CEP162: variants seen among roughly 807,000 people sequenced by gnomAD.
CEP162 encodes centrosomal protein of 162 kDa.
CEP162 carries 141 observed loss-of-function variants against 169.2 expected under a neutral mutation model. The observed-to-expected ratio is 0.83, with a 90% CI of 0.73 to 0.96. The LOEUF (loss-of-function observed/expected upper bound fraction) is 0.96. Ranked by LOEUF, CEP162 falls within the 40% of genes least tolerant of loss-of-function variation. The probability of loss-of-function intolerance (pLI) is 0.00; values close to 1 mark genes in which losing one functional copy is unlikely to be tolerated. For missense variants in CEP162, 1,600 were observed against 1,587.2 expected (o/e 1.01, Z -0.14); for synonymous variants, 540 against 526.4 (o/e 1.03, Z -0.35).
chr6:84,153,054 G>A lies in CEP162; in HGVS notation c.3120C>T (p.Ile1040=). Reference sequence around the variant, plus strand: ...TTTCGGCTTCAAGGTTTCTTACAGTGATCTGATGGGCTTCCTTGATGTCAT... The same window carrying A: ...TTTCGGCTTCAAGGTTTCTTACAGTAATCTGATGGGCTTCCTTGATGTCAT... The part of the protein sequence containing the change: ...ELDDIKEAHQ[I]TVRNLEAEID... Residue 1040 remains isoleucine (I), a synonymous_variant, in exon 23 of 27, where the codon ATC becomes ATT. Coordinates refer to ENST00000403245, the MANE Select transcript of CEP162 (RefSeq NM_014895.4). 6.2e-7 allele frequency: 1 copy of A among 1,613,506 alleles called. No homozygotes were observed. Among genetic ancestry groups the A allele is most frequent in the African/African-American group, 1.3e-5 (1 of 75,018 alleles).
intron 25 of CEP162, among the ~76,000 whole-genome samples, chr6:84,130,741 T>C (rs994270077): frequency 1.3e-5 from 2 of 152,140 alleles, no homozygotes; most frequent in African/African-American, 4.8e-5. Context: ...ATTTGATTCT[T>C]CTCTCTTCTC....
At chr6:84,221,714 G>T (rs1674782638) in intron 2 of CEP162, among the ~76,000 whole-genome samples, 1 of 151,878 alleles carries the variant, frequency 6.6e-6, no homozygotes, top group African/African-American at 2.4e-5. Context: ...TCTAACCTCA[G>T]TATCACCCCC....
Position 84,213,095 on chromosome 6 carries a change from C to A in CEP162, c.504-71G>T, listed in dbSNP as rs79050633. ...ATTCTCATGCAACTCTTTCTGTATA[C>A]CGTTTTAAAAAATCCCTAAAATTAT... On this transcript the variant is annotated intron_variant, in intron 5 of 26. Coordinates refer to ENST00000403245, the MANE Select transcript of CEP162 (RefSeq NM_014895.4). 12 of 931,802 alleles carry A rather than the reference C, an allele frequency of 1.3e-5. No homozygotes were observed. The African/African-American group carries it at 2.0e-4, about 15-fold the overall frequency. The allele number at this position is 931,802 out of a possible 1,614,324, so 57.7% of individuals were successfully genotyped here.
intron 23 of CEP162, 141 bp downstream of exon 23, chr6:84,152,404 G>T: frequency 4.1e-6 from 2 of 483,184 alleles, no homozygotes; most frequent in Non-Finnish European, 3.4e-6. Flanking sequence ...CACATGCTCA[G>T]CAATATAATA....
intron 5 of CEP162, among the ~76,000 whole-genome samples, chr6:84,214,485 A>C (rs2099550791): frequency 6.6e-6 from 1 of 152,170 alleles, no homozygotes; most frequent in Non-Finnish European, 1.5e-5. Context: ...TCAACATCAT[A>C]AAACCGGAAG....
In CEP162 at chr6:84,187,329, C is replaced by T. The variant is rs531231050; in HGVS notation, c.1110-706G>A. ...AACTGTTAGTCTTAAAATATTTAAT[C>T]GTGTGTCAATTAGGCCATTTAATTT... is the stretch of plus-strand genomic sequence containing the variant. On this transcript the variant is annotated intron_variant, in intron 11 of 26. Transcript: ENST00000403245. Among the ~76,000 whole-genome samples, 9 of 152,074 alleles carry T rather than the reference C, an allele frequency of 5.9e-5. No individual in the cohort carries two copies. In the East Asian group the frequency reaches 1.7e-3, roughly 29 times the overall value.
intron 16 of CEP162, among the ~76,000 whole-genome samples, chr6:84,173,128 T>A (rs2099530874): frequency 1.3e-5 from 2 of 152,180 alleles, no homozygotes; most frequent in Non-Finnish European, 2.9e-5. Flanking sequence ...TGAAGAGCAT[T>A]ACAGGAAACT....
rs1477107326 is a variant in CEP162, at chr6:84,124,726, A to C, written c.*344T>G. 4 of 286,660 alleles carry C rather than the reference A, an allele frequency of 1.4e-5. No homozygotes were observed. The allele number at this position is 286,660 out of a possible 1,614,324, so 17.8% of individuals were successfully genotyped here. On this transcript the variant is annotated 3_prime_UTR_variant, in exon 27 of 27. Coordinates refer to ENST00000403245, the MANE Select transcript of CEP162 (RefSeq NM_014895.4). ...CAAGCACATGTACCCCCTGGATCTA[A>C]AATAAAAATTTTAAAAACCTCACAT...
In CEP162 at chr6:84,204,004, C is replaced by T. The variant is rs776766049; in HGVS notation, c.664G>A (p.Glu222Lys). The part of the protein sequence containing the change: ...EMPSKENSKS[E>K]KISVPKQEEE... ...ACCTGTTTGGGCACACTTATTTTTT[C>T]TGATTTGGAATTCTCTTTGGAAGGC... is the stretch of plus-strand genomic sequence containing the variant. Residue 222 changes from glutamate (E) to lysine (K), a missense_variant, in exon 7 of 27, where the codon GAA becomes AAA. Coordinates refer to ENST00000403245, the MANE Select transcript of CEP162 (RefSeq NM_014895.4). 2 of 1,606,514 alleles carry T rather than the reference C, an allele frequency of 1.2e-6. No homozygotes were observed. Among genetic ancestry groups the T allele is most frequent in the South Asian group, 2.2e-5 (2 of 89,536 alleles).
intron 15 of CEP162, 28 bp from the exon 16 acceptor site, chr6:84,174,216 T>C: frequency 6.3e-7 from 1 of 1,578,134 alleles, no homozygotes; most frequent in Non-Finnish European, 8.6e-7. Flanking sequence ...AATTGTTTTA[T>C]TTGGGGAAGG....
At position 84,195,029 on chromosome 6, in the gene CEP162, T is replaced by C. The variant is rs766291979; in HGVS notation, c.882A>G (p.Gln294=). The C allele has an allele frequency of 4.3e-6, 7 of 1,609,864 alleles. No homozygotes were observed. The highest frequency in any genetic ancestry group is 1.3e-5 in the African/African-American group (1 of 74,880). The change falls in exon 10 of 27, where the codon CAA becomes CAG. Residue 294 remains glutamine, a synonymous_variant. Transcript: ENST00000403245. The part of the protein sequence containing the change: ...QSSSDVEALH[Q]AYCHIAHSLG... Reference sequence around the variant, plus strand: ...ATGAATGGGCTATATGACAATAAGCTTGATGTAGGGCTTCAACGTCACTAC... The same window carrying C: ...ATGAATGGGCTATATGACAATAAGCCTGATGTAGGGCTTCAACGTCACTAC...
chr6:84,176,547 G>A (rs752212427), intron 13 of CEP162, among the ~76,000 whole-genome samples: 2 of 152,158 alleles, frequency 1.3e-5, no homozygotes, highest in East Asian at 1.9e-4. Context: ...CAGGTGGAAC[G>A]TCCCGGATCA....
chr6:84,171,886 T>C (rs963800923), intron 16 of CEP162, among the ~76,000 whole-genome samples, 168 bp from the exon 17 acceptor site: 1 of 152,216 alleles, frequency 6.6e-6, no homozygotes, highest in African/African-American at 2.4e-5. Context: ...GAAGAAAATT[T>C]GGTGTCTAAA....
intron 13 of CEP162, 64 bp from the exon 14 acceptor site, chr6:84,175,411 T>G (rs1227453036): frequency 2.6e-6 from 3 of 1,161,164 alleles, no homozygotes; most frequent in Admixed American, 2.9e-5. Flanking sequence ...ACTCATCAAT[T>G]GTGTCCAATA....
intron 18 of CEP162, among the ~76,000 whole-genome samples, chr6:84,166,240 C>A (rs193284265): frequency 2.9e-4 from 44 of 152,274 alleles, no homozygotes; most frequent in Admixed American, 2.9e-3. Flanking sequence ...CTTGTCTTTA[C>A]CCACTTATGC....
chr6:84,186,678 A>G, intron 11 of CEP162, 55 bp from the exon 12 acceptor site: 2 of 1,420,192 alleles, frequency 1.4e-6, no homozygotes, highest in Non-Finnish European at 9.5e-7. Context: ...CTTTTCAAAT[A>G]TCAGTAATAA....
chr6:84,194,455 CTTT>C (rs1161034049), intron 10 of CEP162, among the ~76,000 whole-genome samples: 7 of 137,266 alleles, frequency 5.1e-5, no homozygotes, highest in African/African-American at 8.0e-5. Flanking sequence ...TTGAAAAAAT[CTTT>C]TTTTTTTTTT....
chr6:84,130,964 A>G (rs539993584), intron 25 of CEP162, among the ~76,000 whole-genome samples: 2 of 151,966 alleles, frequency 1.3e-5, no homozygotes, highest in African/African-American at 4.8e-5. Context: ...TTGATTTTAG[A>G]TCTTTCCTGC....
At chr6:84,179,589 C>A (rs1024821644) in intron 13 of CEP162, among the ~76,000 whole-genome samples, 1 of 151,958 alleles carries the variant, frequency 6.6e-6, no homozygotes, top group African/African-American at 2.4e-5. Context: ...GAGTAGATTG[C>A]AAAAATTTTC....
Sources: allele counts gnomAD v4.1 joint callset (sites outside exome capture counted in the v4.1 genomes callset), GRCh38; gene constraint gnomAD v4.1.1; transcripts MANE v1.5; gene names NCBI Gene and HGNC (gene_info 2026-07-23, HGNC 2026-07-21).